The following TMEM163 variants were observed in gnomAD, a reference collection of about 807,000 sequenced individuals.
TMEM163 encodes the protein transmembrane protein 163.
Under a neutral mutation model 29.3 loss-of-function variants are expected in TMEM163, and 17 were observed. The observed-to-expected ratio is 0.58, with a 90% CI of 0.40 to 0.87. The LOEUF is 0.87. TMEM163 is among the 40% of genes least tolerant of loss of function. The pLI is 0.00. For missense variants in TMEM163, 303 were observed against 381.5 expected (o/e 0.79, Z 1.71); for synonymous variants, 157 against 160.6 (o/e 0.98, Z 0.17).
intron 2 of TMEM163, among the ~76,000 whole-genome samples, chr2:134,652,153 G>A (rs1683494477): frequency 6.2e-5 from 8 of 129,226 alleles, no homozygotes; most frequent in Middle Eastern, 3.5e-3. Context: ...CCATTTTCAC[G>A]ATATTGATTC....
chr2:134,677,222 C>T (rs764925649), intron 2 of TMEM163, among the ~76,000 whole-genome samples: 4 of 152,098 alleles, frequency 2.6e-5, no homozygotes, highest in East Asian at 3.9e-4. Flanking sequence ...CACGTTGGGA[C>T]GGAGGCTGCA....
intron 5 of TMEM163, among the ~76,000 whole-genome samples, chr2:134,490,597 G>A (rs1022043939): frequency 2.0e-5 from 3 of 152,146 alleles, no homozygotes; most frequent in African/African-American, 2.4e-5. Flanking sequence ...TTACTGAAAG[G>A]TTAAGAATTT....
intron 2 of TMEM163, among the ~76,000 whole-genome samples, chr2:134,647,643 T>C (rs1344601541): frequency 1.3e-5 from 2 of 152,150 alleles, no homozygotes; most frequent in African/African-American, 4.8e-5. Context: ...CAAAACCACA[T>C]CACCCACCAC....
At chr2:134,507,662 A>G (rs1360331411) in intron 4 of TMEM163, among the ~76,000 whole-genome samples, 2 of 152,056 alleles carry the variant, frequency 1.3e-5, no homozygotes, top group Non-Finnish European at 2.9e-5. Flanking sequence ...CAGGAGTCTG[A>G]GACCAGCTTA....
intron 1 of TMEM163, among the ~76,000 whole-genome samples, chr2:134,716,590 C>T (rs1378258760): frequency 6.6e-6 from 1 of 152,152 alleles, no homozygotes; most frequent in Non-Finnish European, 1.5e-5. Flanking sequence ...GAAAGCAAGC[C>T]AGGCAGGATG....
intron 2 of TMEM163, among the ~76,000 whole-genome samples, chr2:134,647,545 A>T (rs1040400863): frequency 3.3e-5 from 5 of 152,112 alleles, no homozygotes; most frequent in African/African-American, 7.2e-5. Context: ...GCTCAATATA[A>T]ATTGTGGAGG....
chr2:134,583,881 C>T (rs771061551), intron 2 of TMEM163, among the ~76,000 whole-genome samples: 5 of 152,158 alleles, frequency 3.3e-5, no homozygotes, highest in Admixed American at 2.0e-4. Flanking sequence ...CATTATTGAA[C>T]GCATAACTGC....
chr2:134,605,924 C>CA (rs970978204), intron 2 of TMEM163, among the ~76,000 whole-genome samples: 45 of 151,940 alleles, frequency 3.0e-4, no homozygotes, highest in African/African-American at 1.0e-3. Context: ...TACATACACA[C>CA]AAAAAAAATC....
chr2:134,561,381 T>C (rs1425545501), intron 2 of TMEM163, among the ~76,000 whole-genome samples: 2 of 106,938 alleles, frequency 1.9e-5, no homozygotes, highest in Non-Finnish European at 3.2e-5. Context: ...TTTTTTTGTA[T>C]TTTTTTTTAG....
chr2:134,654,288 T>G (rs368450946), intron 2 of TMEM163, among the ~76,000 whole-genome samples: 8 of 119,104 alleles, frequency 6.7e-5, no homozygotes, highest in East Asian at 6.4e-4. Context: ...ATTGATCCCT[T>G]TACCATTATG....
rs1275198998 is a variant in TMEM163 at position 134,590,844 on chromosome 2, TG to T, written c.323-38754del. ...CAGGCAGTTAGGATAGGTCCTCAGT[TG>T]AATTCTTTCAAACAAAAAAAGAACA... On this transcript the variant is annotated intron_variant, in intron 2 of 7. Coordinates refer to ENST00000281924, the MANE Select transcript of TMEM163 (RefSeq NM_030923.5). 9.2e-5 allele frequency among the ~76,000 whole-genome samples: 14 copies of T among 152,114 alleles called. 1 individual carries two copies. Among genetic ancestry groups the T allele is most frequent in the African/African-American group, 3.4e-4 (14 of 41,414 alleles).
intron 2 of TMEM163, among the ~76,000 whole-genome samples, chr2:134,650,644 T>G (rs1172736125): frequency 6.9e-6 from 1 of 144,408 alleles, no homozygotes; most frequent in Non-Finnish European, 1.5e-5. Flanking sequence ...CTGCACCCAC[T>G]AACTCGTCAT....
intron 5 of TMEM163, among the ~76,000 whole-genome samples, chr2:134,480,387 A>C (rs1687021958): frequency 8.7e-6 from 1 of 114,654 alleles, no homozygotes; most frequent in African/African-American, 3.9e-5. Flanking sequence ...CCCTGACTGC[A>C]ATCACTCCTC....
intron 4 of TMEM163, among the ~76,000 whole-genome samples, chr2:134,535,587 C>T (rs568286974): frequency 2.0e-5 from 3 of 151,940 alleles, no homozygotes; most frequent in Non-Finnish European, 2.9e-5. Flanking sequence ...TTATACGAGA[C>T]GAATAAGTTC....
chr2:134,456,873 A>G, intron 7 of TMEM163, 97 bp from the exon 8 acceptor site: 2 of 1,274,988 alleles, frequency 1.6e-6, no homozygotes, highest in Non-Finnish European at 2.2e-6. Context: ...GATAATTCAC[A>G]TACCATAAAA....
At chr2:134,529,415 C>T (rs1186563292) in intron 4 of TMEM163, among the ~76,000 whole-genome samples, 1 of 152,004 alleles carries the variant, frequency 6.6e-6, no homozygotes, top group Non-Finnish European at 1.5e-5. Flanking sequence ...TAACCATTCT[C>T]TGGGTGGTAG....
chr2:134,491,461 C>T (rs946582222), intron 5 of TMEM163, among the ~76,000 whole-genome samples: 3 of 146,388 alleles, frequency 2.0e-5, no homozygotes, highest in African/African-American at 7.4e-5. Context: ...CGTATTTCCT[C>T]TATCAGGAAA....
rs753880652 is a variant in TMEM163 at position 134,456,755 on chromosome 2, C to T, written c.831G>A (p.Pro277=). The T allele has an allele frequency of 3.6e-5, 58 of 1,613,842 alleles. No individual in the cohort carries two copies. Among genetic ancestry groups the T allele is most frequent in the African/African-American group, 2.8e-4 (21 of 75,022 alleles). Residue 277 remains proline (P), a synonymous_variant, in exon 8 of 8, where the codon CCG becomes CCA. Coordinates refer to ENST00000281924, the MANE Select transcript of TMEM163 (RefSeq NM_030923.5). ...CGTAGTGACGTGTCTGCCTCACCCT[C>T]GGCACCATGTCGATGAGGAGTCTGC... ...YGVKLLIDMV[P]RVRQTRHYEM...
At chr2:134,623,993 A>C (rs1231277764) in intron 2 of TMEM163, among the ~76,000 whole-genome samples, 2 of 152,222 alleles carry the variant, frequency 1.3e-5, no homozygotes, top group African/African-American at 4.8e-5. Context: ...CAGTGAAGCC[A>C]CAGAAACCTT....
Sources: gnomAD v4.1 joint callset for allele counts (sites outside exome capture counted in the v4.1 genomes callset) on GRCh38, gnomAD v4.1.1 for gene constraint, MANE v1.5 for transcripts, NCBI Gene and HGNC (gene_info 2026-07-23, HGNC 2026-07-21) for gene names.